The following RNF4 variants were observed in gnomAD, a reference collection of about 807,000 sequenced individuals.
RNF4 encodes the protein E3 ubiquitin-protein ligase RNF4.
Under a neutral mutation model 24.3 loss-of-function variants are expected in RNF4, and 7 were observed. The observed-to-expected ratio is 0.29, with a 90% CI of 0.16 to 0.54. The LOEUF is 0.54. RNF4 is among the 20% of genes least tolerant of loss of function. RNF4 has a pLI of 0.95. For synonymous variants in RNF4, 83 were observed against 84.3 expected, an observed-to-expected ratio of 0.98 and a Z score of 0.09; for missense variants, 209 against 248.5, an observed-to-expected ratio of 0.84 and a Z score of 1.07.
chr4:2,483,370 G>C (rs559186561), intron 1 of RNF4, among the ~76,000 whole-genome samples: 72 of 152,356 alleles, frequency 4.7e-4, no homozygotes, highest in African/African-American at 1.5e-3. Context: ...GTCCAAGGCT[G>C]TAGGGCTTAT....
intron 1 of RNF4, among the ~76,000 whole-genome samples, chr4:2,488,994 G>A (rs1026007310): frequency 3.3e-5 from 5 of 152,064 alleles, no homozygotes; most frequent in Non-Finnish European, 7.4e-5. Flanking sequence ...GTATTTTCTA[G>A]TAGAGACGGG....
intron 1 of RNF4, chr4:2,479,937 TG>T (rs930008124): frequency 5.9e-5 from 9 of 152,144 alleles, no homozygotes; most frequent in African/African-American, 2.2e-4. Flanking sequence ...TAACTTTTGT[TG>T]GGGGTCGGTG....
intron 2 of RNF4, among the ~76,000 whole-genome samples, chr4:2,494,922 G>T (rs942007736): frequency 6.6e-6 from 1 of 152,198 alleles, no homozygotes; most frequent in African/African-American, 2.4e-5. Flanking sequence ...GTTAGTACAG[G>T]TCTTTGAATA....
At chr4:2,487,284 T>G (rs1578507176) in intron 1 of RNF4, among the ~76,000 whole-genome samples, 1 of 151,922 alleles carries the variant, frequency 6.6e-6, no homozygotes, top group East Asian at 1.9e-4. Context: ...TTTTTTAATG[T>G]GTTTTTATTT....
intron 1 of RNF4, among the ~76,000 whole-genome samples, chr4:2,473,377 G>A (rs552988682): frequency 1.5e-4 from 23 of 150,212 alleles, no homozygotes; most frequent in Non-Finnish European, 2.9e-4. Context: ...GTGAGATTCC[G>A]TCTTAAAAAA....
At chr4:2,469,653 T>A (rs533489092) in intron 1 of RNF4, 1 of 152,276 alleles carries the variant, frequency 6.6e-6, no homozygotes, top group African/African-American at 2.4e-5. Context: ...GACGCCTCCT[T>A]TGTGTGTTCG....
intron 2 of RNF4, among the ~76,000 whole-genome samples, chr4:2,491,476 T>A (rs1735576946): frequency 6.6e-6 from 1 of 152,056 alleles, no homozygotes; most frequent in Non-Finnish European, 1.5e-5. Flanking sequence ...TGAGATGGAG[T>A]CTGTTGCCCA....
chr4:2,507,370 T>C (rs1736133579), intron 4 of RNF4, among the ~76,000 whole-genome samples: 2 of 152,188 alleles, frequency 1.3e-5, no homozygotes, highest in Non-Finnish European at 2.9e-5. Flanking sequence ...CCAAGATGGG[T>C]TGGCTACTCA....
At chr4:2,492,048 A>G (rs1735596785) in intron 2 of RNF4, among the ~76,000 whole-genome samples, 1 of 151,974 alleles carries the variant, frequency 6.6e-6, no homozygotes, top group Admixed American at 6.5e-5. Context: ...AATACAAAAA[A>G]TTAGCCAGGC....
chr4:2,514,497 C>T lies in RNF4; in HGVS notation c.*678C>T, dbSNP rs944117158. On this transcript the variant is annotated 3_prime_UTR_variant, in exon 8 of 8. Transcript: ENST00000314289. ...CCACAAGATGTAGCACTATTAGTGT[C>T]CCCCTCAGAGGCTTAATGTTGCCTG... 2 of 153,536 alleles carry T rather than the reference C, an allele frequency of 1.3e-5. No individual in the cohort carries two copies. The highest frequency in any genetic ancestry group is 2.9e-5 in the Non-Finnish European group (2 of 68,726). The allele number at this position is 153,536 out of a possible 1,614,324, so 9.5% of individuals were successfully genotyped here.
rs371845506 is a variant in RNF4, at chr4:2,500,619, CTCTTAA to C, written c.125-32_125-27del. The C allele has an allele frequency of 1.2e-4, 200 of 1,601,714 alleles. No individual in the cohort carries two copies. In the East Asian group the frequency reaches 4.2e-3, roughly 34 times the overall value. On this transcript the variant is annotated intron_variant, in intron 3 of 7. Transcript: ENST00000314289. ...TGTAGAGGGATACAACCTTACTTTC[CTCTTAA>C]TCTTAATGCTTGTTGAAATACTTTC... is the stretch of plus-strand genomic sequence containing the variant.
Position 2,512,523 on chromosome 4 carries a change from G to T in RNF4, c.300G>T (p.Leu100Phe), listed in dbSNP as rs759553746. The T allele has an allele frequency of 2.5e-6, 4 of 1,613,946 alleles. No homozygotes were observed. The highest frequency in any genetic ancestry group is 3.4e-6 in the Non-Finnish European group (4 of 1,179,840). ...TGGTGAGCAGTGACGATGAGGAGTT[G>T]TCCAGGGACAGAGACGTATATGTGA... ...SCVVSSDDEE[L>F]SRDRDVYVTT... The change falls in exon 6 of 8, where the codon TTG (leucine) becomes TTT (phenylalanine). Residue 100 changes from leucine (L) to phenylalanine (F), a missense_variant. Physicochemically the swap from Leu to Phe is conservative, Grantham distance 22. Coordinates refer to ENST00000314289, the MANE Select transcript of RNF4 (RefSeq NM_002938.5). The surrounding 1 kb of genome is among the most constrained non-coding windows in gnomAD (Gnocchi z 4.1).
chr4:2,477,353 A>G (rs1225391848), intron 1 of RNF4, among the ~76,000 whole-genome samples: 2 of 152,116 alleles, frequency 1.3e-5, no homozygotes, highest in Middle Eastern at 3.4e-3. Flanking sequence ...TTGGGAGGCC[A>G]AGGCGGGCGG....
At chr4:2,488,545 T>G (rs1031094626) in intron 1 of RNF4, among the ~76,000 whole-genome samples, 1 of 152,186 alleles carries the variant, frequency 6.6e-6, no homozygotes, top group Non-Finnish European at 1.5e-5. Context: ...AGCTGGTCAC[T>G]GGGAAGGTTT....
chr4:2,498,671 T>A (rs1007198488), intron 3 of RNF4, among the ~76,000 whole-genome samples: 2 of 152,216 alleles, frequency 1.3e-5, no homozygotes, highest in Admixed American at 6.5e-5. Context: ...TGAAACTTTA[T>A]GATACAAGAA....
At chr4:2,504,154 A>T (rs1211600811) in intron 4 of RNF4, among the ~76,000 whole-genome samples, 1 of 152,228 alleles carries the variant, frequency 6.6e-6, no homozygotes, top group Non-Finnish European at 1.5e-5. Flanking sequence ...GAAATGAAAA[A>T]TGCGGTAAGA....
intron 1 of RNF4, among the ~76,000 whole-genome samples, chr4:2,471,287 A>C (rs1734900640): frequency 6.6e-6 from 1 of 152,140 alleles, no homozygotes; most frequent in African/African-American, 2.4e-5. Flanking sequence ...TCATTGTTAC[A>C]TCTGTTATAG....
intron 1 of RNF4, chr4:2,480,312 A>C (rs1735209581): frequency 2.2e-5 from 3 of 139,360 alleles, no homozygotes; most frequent in African/African-American, 5.4e-5. Context: ...TCAGTCTGTC[A>C]CCCAGGTTGG....
chr4:2,472,816 G>T (rs1191697146), intron 1 of RNF4, among the ~76,000 whole-genome samples: 1 of 150,934 alleles, frequency 6.6e-6, no homozygotes. Flanking sequence ...CGAAGTGGGC[G>T]GATCACAAGG....
Sources: allele counts gnomAD v4.1 joint callset (sites outside exome capture counted in the v4.1 genomes callset), GRCh38; gene constraint gnomAD v4.1.1; non-coding constraint Gnocchi (gnomAD v3.1); transcripts MANE v1.5; gene names NCBI Gene and HGNC (gene_info 2026-07-23, HGNC 2026-07-21).